Variants in ETV6 observed in about 807,000 individuals in gnomAD.
ETV6 encodes the protein ETS variant transcription factor 6.
In ETV6, 16 loss-of-function variants were observed where a neutral mutation model predicts 51.1. The ratio of observed to expected loss-of-function variants is 0.31; its 90% CI spans 0.21 to 0.48. The LOEUF (loss-of-function observed/expected upper bound fraction) is 0.48. ETV6 is among the 20% of genes least tolerant of loss of function. The pLI, the probability that ETV6 is intolerant of heterozygous loss-of-function variation, is 0.99. For synonymous variants in ETV6, 240 were observed against 224.1 expected (o/e 1.07, Z -0.64); for missense variants, 458 against 594.8 (o/e 0.77, Z 2.39).
intron 1 of ETV6, among the ~76,000 whole-genome samples, chr12:11,702,429 C>A (rs1463486677): frequency 6.6e-6 from 1 of 152,182 alleles, no homozygotes; most frequent in Non-Finnish European, 1.5e-5. Context: ...TACCTTCAGG[C>A]TTTCTACCCA....
At chr12:11,833,561 G>A (rs1178869848) in intron 2 of ETV6, among the ~76,000 whole-genome samples, 14 of 152,154 alleles carry the variant, frequency 9.2e-5, no homozygotes, top group South Asian at 2.1e-4. Flanking sequence ...ACGTGGGCTC[G>A]GAGCCAGGTC....
intron 2 of ETV6, among the ~76,000 whole-genome samples, chr12:11,804,019 A>T (rs1945790496): frequency 6.6e-6 from 1 of 152,204 alleles, no homozygotes; most frequent in Non-Finnish European, 1.5e-5. Context: ...TACTTAGGGT[A>T]ATAGAAGGAT....
chr12:11,743,013 G>T (rs1399899368), intron 1 of ETV6, among the ~76,000 whole-genome samples: 2 of 151,902 alleles, frequency 1.3e-5, no homozygotes, highest in African/African-American at 4.8e-5. Context: ...TCGCCATGTT[G>T]CCCAGGCTGG....
intron 5 of ETV6, among the ~76,000 whole-genome samples, chr12:11,872,252 A>G (rs1301582468): frequency 6.6e-6 from 1 of 152,166 alleles, no homozygotes; most frequent in African/African-American, 2.4e-5. Flanking sequence ...CCCATGACCG[A>G]GGTGTGCAGG....
intron 1 of ETV6, among the ~76,000 whole-genome samples, chr12:11,726,295 G>C (rs1865487419): frequency 6.6e-6 from 1 of 152,194 alleles, no homozygotes; most frequent in Non-Finnish European, 1.5e-5. Flanking sequence ...AGAACCCACA[G>C]TCATTTCCTC....
chr12:11,739,725 A>T (rs1865773704), intron 1 of ETV6, among the ~76,000 whole-genome samples: 2 of 152,194 alleles, frequency 1.3e-5, no homozygotes. Flanking sequence ...TTTTGGCCAC[A>T]TTGAGTTAGG....
chr12:11,857,579 AAC>A (rs1408718971), intron 4 of ETV6, among the ~76,000 whole-genome samples: 3 of 152,226 alleles, frequency 2.0e-5, no homozygotes, highest in African/African-American at 7.2e-5. Flanking sequence ...CACCCATACC[AAC>A]ACACTTATGA....
chr12:11,734,992 A>G (rs1865675139), intron 1 of ETV6, among the ~76,000 whole-genome samples: 2 of 152,026 alleles, frequency 1.3e-5, no homozygotes, highest in African/African-American at 4.8e-5. Context: ...GTGAAACTTG[A>G]AAGGCTCTGT....
chr12:11,762,421 C>T (rs183493129), intron 2 of ETV6, among the ~76,000 whole-genome samples: 52 of 152,356 alleles, frequency 3.4e-4, no homozygotes, highest in Admixed American at 5.2e-4. Context: ...TTTCAGTCTG[C>T]GTTTTTCTCC....
intron 1 of ETV6, among the ~76,000 whole-genome samples, chr12:11,708,328 C>T (rs1865110666): frequency 6.6e-6 from 1 of 151,816 alleles, no homozygotes; most frequent in Non-Finnish European, 1.5e-5. Context: ...CTCACTTGTG[C>T]TCTGCAAGGG....
chr12:11,832,360 G>A (rs1946256396), intron 2 of ETV6, among the ~76,000 whole-genome samples: 1 of 152,208 alleles, frequency 6.6e-6, no homozygotes, highest in African/African-American at 2.4e-5. Flanking sequence ...AGCAAACTAA[G>A]TTCTGAATAA....
intron 2 of ETV6, among the ~76,000 whole-genome samples, chr12:11,770,235 A>C (rs1945223378): frequency 6.6e-6 from 1 of 151,722 alleles, no homozygotes; most frequent in Non-Finnish European, 1.5e-5. Context: ...CTTGCTTTGG[A>C]TATTGGGAGG....
chr12:11,787,418 A>G (rs557604831), intron 2 of ETV6, among the ~76,000 whole-genome samples: 1 of 152,334 alleles, frequency 6.6e-6, no homozygotes, highest in African/African-American at 2.4e-5. Flanking sequence ...TGTTTAAATG[A>G]TATTTTCAAT....
chr12:11,780,011 G>T (rs1481748342), intron 2 of ETV6, among the ~76,000 whole-genome samples: 1 of 152,156 alleles, frequency 6.6e-6, no homozygotes. Flanking sequence ...TTTCACACAC[G>T]CTCTACCTTT....
At chr12:11,737,076 G>A (rs571144889) in intron 1 of ETV6, among the ~76,000 whole-genome samples, 191 of 152,302 alleles carry the variant, frequency 1.3e-3, no homozygotes, top group African/African-American at 4.5e-3. Context: ...GGTCTGAGAG[G>A]TGGATGAAGG....
At chr12:11,777,996 G>A (rs183176072) in intron 2 of ETV6, among the ~76,000 whole-genome samples, 34 of 152,230 alleles carry the variant, frequency 2.2e-4, no homozygotes, top group Admixed American at 7.9e-4. Context: ...AGCAGGACTC[G>A]GCTCACCCTG....
chr12:11,694,076 T>G (rs1864825284), intron 1 of ETV6, among the ~76,000 whole-genome samples: 1 of 152,244 alleles, frequency 6.6e-6, no homozygotes, highest in African/African-American at 2.4e-5. Flanking sequence ...AAACACTGTA[T>G]CATGCCGTGG....
chr12:11,850,481 T>TA (rs1453252054), intron 3 of ETV6, among the ~76,000 whole-genome samples: 1 of 55,528 alleles, frequency 1.8e-5, no homozygotes, highest in African/African-American at 7.8e-5. Context: ...GAGACCTCCT[T>TA]AGAGATCTAC....
At chr12:11,730,805 C>T (rs942905052) in intron 1 of ETV6, among the ~76,000 whole-genome samples, 5 of 152,224 alleles carry the variant, frequency 3.3e-5, no homozygotes, top group Non-Finnish European at 7.3e-5. Flanking sequence ...CCCAAGACCC[C>T]TCAGTGGGTT....
Sources: allele counts gnomAD v4.1 joint callset (sites outside exome capture counted in the v4.1 genomes callset), GRCh38; gene constraint gnomAD v4.1.1; transcripts MANE v1.5; gene names NCBI Gene and HGNC (gene_info 2026-07-23, HGNC 2026-07-21).